ADGRB3: variants seen among roughly 807,000 people sequenced by gnomAD.
ADGRB3 encodes brain-specific angiogenesis inhibitor 3.
Under a neutral mutation model 193.4 loss-of-function variants are expected in ADGRB3, and 37 were observed. That is an observed-to-expected ratio of 0.19 (90% confidence interval 0.15 to 0.25). The LOEUF (loss-of-function observed/expected upper bound fraction) is 0.25. ADGRB3 is among the 10% of genes least tolerant of loss of function. ADGRB3 has a pLI of 1.00. For missense variants in ADGRB3, 1,637 were observed against 1,852.9 expected (o/e 0.88, Z 2.14); for synonymous variants, 690 against 644.2 (o/e 1.07, Z -1.08).
At position 69,273,842 on chromosome 6, in the gene ADGRB3, C is replaced by T. The variant is rs116109283; in HGVS notation, c.2814+34616C>T. Among the ~76,000 whole-genome samples, 523 of 152,268 alleles carry T rather than the reference C, an allele frequency of 3.4e-3. 2 individuals are homozygous for T. Among genetic ancestry groups the T allele is most frequent in the African/African-American group, 0.012 (489 of 41,550 alleles). The stretch of plus-strand genomic sequence containing the variant: ...TTCCTCTATGTTTCCGCCATATGGA[C>T]TACTATTCTAGAAAACAATCTGTCA... On this transcript the variant is annotated intron_variant, in intron 20 of 31. Transcript: ENST00000370598.
intron 3 of ADGRB3, among the ~76,000 whole-genome samples, chr6:68,708,819 G>T (rs928770447): frequency 6.6e-6 from 1 of 152,010 alleles, no homozygotes; most frequent in Non-Finnish European, 1.5e-5. Flanking sequence ...CTTGCAAATA[G>T]TATCTAAGGA....
At chr6:68,722,619 A>C (rs1482295738) in intron 3 of ADGRB3, among the ~76,000 whole-genome samples, 1 of 149,738 alleles carries the variant, frequency 6.7e-6, no homozygotes, top group Non-Finnish European at 1.5e-5. Context: ...TTTTTTTTTA[A>C]CTGAATCTAT....
chr6:68,763,879 C>A (rs936748839), intron 3 of ADGRB3, among the ~76,000 whole-genome samples: 4 of 152,060 alleles, frequency 2.6e-5, no homozygotes, highest in Non-Finnish European at 4.4e-5. Context: ...TCAAGGCCAG[C>A]CTGGGCAACA....
In ADGRB3 at chr6:68,713,828, A is replaced by G. The variant is rs549678313; in HGVS notation, c.757+74396A>G. ...ATTTGAAATTAATATTTATTATCCC[A>G]TGATAATTTATCTATTTATATGTAT... On this transcript the variant is annotated intron_variant, in intron 3 of 31. Coordinates refer to ENST00000370598, the MANE Select transcript of ADGRB3 (RefSeq NM_001704.3). Among the ~76,000 whole-genome samples, 6 of 151,776 alleles carry G rather than the reference A, an allele frequency of 4.0e-5. 1 individual carries two copies. Among genetic ancestry groups the G allele is most frequent in the African/African-American group, 1.4e-4 (6 of 41,488 alleles).
intron 3 of ADGRB3, among the ~76,000 whole-genome samples, chr6:68,892,495 C>A (rs760953121): frequency 1.3e-5 from 2 of 152,156 alleles, no homozygotes; most frequent in Non-Finnish European, 2.9e-5. Context: ...TGCTATTAGT[C>A]TCCAACTCAA....
At chr6:68,857,663 A>T (rs1281946532) in intron 3 of ADGRB3, among the ~76,000 whole-genome samples, 1 of 152,172 alleles carries the variant, frequency 6.6e-6, no homozygotes, top group Admixed American at 6.5e-5. Context: ...CTTGTCTCAG[A>T]TGAGACTTTG....
In ADGRB3 at chr6:69,161,068, A is replaced by G. The variant is rs370577905; in HGVS notation, c.2481-72222A>G. Among the ~76,000 whole-genome samples, 186 of 152,224 alleles carry G rather than the reference A, an allele frequency of 1.2e-3. 2 individuals are homozygous for G. The South Asian group carries it at 0.031, about 25-fold the overall frequency. Reference sequence around the variant, plus strand: ...TCTAAAACTTATTTTCCTTAGTTGTAAAGTGGGAATAGTAATACTACCTAT... The same window carrying G: ...TCTAAAACTTATTTTCCTTAGTTGTGAAGTGGGAATAGTAATACTACCTAT... On this transcript the variant is annotated intron_variant, in intron 17 of 31. Coordinates refer to ENST00000370598, the MANE Select transcript of ADGRB3 (RefSeq NM_001704.3).
At chr6:69,224,269 AC>A (rs1765960535) in intron 17 of ADGRB3, among the ~76,000 whole-genome samples, 1 of 152,188 alleles carries the variant, frequency 6.6e-6, no homozygotes, top group South Asian at 2.1e-4. Context: ...TATAAATTTT[AC>A]AATGGTCCGG....
intron 3 of ADGRB3, among the ~76,000 whole-genome samples, chr6:68,659,512 C>A (rs1768573402): frequency 6.6e-6 from 1 of 150,592 alleles, no homozygotes; most frequent in East Asian, 1.9e-4. Context: ...AAGCATATTT[C>A]CCCATAAATA....
At chr6:68,781,245 A>G (rs193172094) in intron 3 of ADGRB3, among the ~76,000 whole-genome samples, 183 of 152,244 alleles carry the variant, frequency 1.2e-3, no homozygotes, top group Non-Finnish European at 1.7e-3. Context: ...AATTTCTGCT[A>G]TGCCAAACGC....
intron 3 of ADGRB3, among the ~76,000 whole-genome samples, chr6:68,836,837 T>A (rs1768055986): frequency 6.6e-6 from 1 of 152,088 alleles, no homozygotes; most frequent in African/African-American, 2.4e-5. Context: ...TTTATTTTTT[T>A]TAAAGAGTGA....
intron 4 of ADGRB3, 135 bp downstream of exon 4, chr6:68,930,804 T>C: frequency 3.1e-6 from 2 of 645,540 alleles, no homozygotes; most frequent in Non-Finnish European, 5.2e-6. Context: ...TTGTCACCAG[T>C]TAAAGTCCAT....
At chr6:68,896,231 A>G (rs1317133348) in intron 3 of ADGRB3, among the ~76,000 whole-genome samples, 1 of 152,096 alleles carries the variant, frequency 6.6e-6, no homozygotes, top group East Asian at 1.9e-4. Context: ...TATATGTAAG[A>G]GAACTGGAGA....
intron 3 of ADGRB3, among the ~76,000 whole-genome samples, chr6:68,833,605 TCA>T (rs1767994875): frequency 1.3e-5 from 2 of 150,972 alleles, no homozygotes; most frequent in South Asian, 2.1e-4. Context: ...CTTAGAATCT[TCA>T]TTATCTTCTT....
intron 11 of ADGRB3, among the ~76,000 whole-genome samples, chr6:69,007,755 A>G (rs1769808056): frequency 6.6e-6 from 1 of 151,214 alleles, no homozygotes; most frequent in South Asian, 2.1e-4. Context: ...GTCTATTCCT[A>G]TAACCTATTT....
intron 3 of ADGRB3, among the ~76,000 whole-genome samples, chr6:68,677,521 C>CTTTTTTTTTTTTTTTTT (rs1002070733): frequency 1.8e-3 from 222 of 120,182 alleles, no homozygotes; most frequent in South Asian, 2.5e-3. Context: ...TTCTTTTTTT[C>CTTTTTTTTTTTTTTTTT]TTTTTTTTTT....
chr6:69,217,390 A>G (rs999619727), intron 17 of ADGRB3, among the ~76,000 whole-genome samples: 2 of 152,018 alleles, frequency 1.3e-5, no homozygotes, highest in Non-Finnish European at 2.9e-5. Flanking sequence ...TGTATGGGAG[A>G]AAAAAAAGAT....
At chr6:69,023,013 A>ATCCTAT (rs1770317468) in intron 13 of ADGRB3, among the ~76,000 whole-genome samples, 1 of 152,104 alleles carries the variant, frequency 6.6e-6, no homozygotes, top group South Asian at 2.1e-4. Flanking sequence ...TGATAAGAAT[A>ATCCTAT]TCCTATTCTT....
chr6:69,297,374 C>CTCTT (rs1767848257), intron 20 of ADGRB3, among the ~76,000 whole-genome samples: 2 of 125,066 alleles, frequency 1.6e-5, no homozygotes, highest in African/African-American at 5.8e-5. Context: ...CTCTTTCTCT[C>CTCTT]TCTCTCTCTC....
Sources: allele counts gnomAD v4.1 joint callset (sites outside exome capture counted in the v4.1 genomes callset), GRCh38; gene constraint gnomAD v4.1.1; transcripts MANE v1.5; gene names NCBI Gene and HGNC (gene_info 2026-07-23, HGNC 2026-07-21).